Variants in DACH1 observed in about 807,000 individuals in gnomAD.
DACH1 encodes the protein dachshund homolog 1.
Under a neutral mutation model 54.2 loss-of-function variants are expected in DACH1, and 12 were observed. The observed-to-expected ratio is 0.22, with a 90% CI of 0.14 to 0.36. The LOEUF (loss-of-function observed/expected upper bound fraction) is 0.36, where lower values mean the gene tolerates loss of function less well. Ranked by LOEUF, DACH1 falls within the 10% of genes least tolerant of loss-of-function variation. DACH1 has a pLI of 1.00. For missense variants in DACH1, 805 were observed against 929.8 expected, an observed-to-expected ratio of 0.87 and a Z score of 1.75; for synonymous variants, 386 against 366.2, an observed-to-expected ratio of 1.05 and a Z score of -0.62.
chr13:71,595,322 C>T (rs1161150718), intron 3 of DACH1, among the ~76,000 whole-genome samples: 1 of 151,984 alleles, frequency 6.6e-6, no homozygotes. Flanking sequence ...ATTGGAAGGA[C>T]TTGTATTATT....
At chr13:71,702,034 A>C (rs1012199543) in intron 1 of DACH1, among the ~76,000 whole-genome samples, 1 of 152,150 alleles carries the variant, frequency 6.6e-6, no homozygotes, top group Non-Finnish European at 1.5e-5. Flanking sequence ...TATCCAAAAA[A>C]ATAAATAAAT....
At chr13:71,777,271 AG>A (rs1566493500) in intron 1 of DACH1, among the ~76,000 whole-genome samples, 2 of 152,174 alleles carry the variant, frequency 1.3e-5, no homozygotes, top group East Asian at 3.9e-4. Context: ...TTAAAGAGAC[AG>A]GAACTTCAGA....
intron 1 of DACH1, among the ~76,000 whole-genome samples, chr13:71,811,592 T>C (rs1887714613): frequency 6.6e-6 from 1 of 152,172 alleles, no homozygotes. Context: ...GAGGAAACTA[T>C]GGAGAAACTC....
At chr13:71,783,164 A>G (rs1369912288) in intron 1 of DACH1, among the ~76,000 whole-genome samples, 1 of 152,186 alleles carries the variant, frequency 6.6e-6, no homozygotes, top group Non-Finnish European at 1.5e-5. Flanking sequence ...CAGAAAGATT[A>G]TGACATGTAA....
chr13:71,841,196 A>G (rs1467175700), intron 1 of DACH1, among the ~76,000 whole-genome samples: 1 of 152,080 alleles, frequency 6.6e-6, no homozygotes, highest in East Asian at 1.9e-4. Flanking sequence ...CTGATGCAAT[A>G]TTTTCTTCCC....
At chr13:71,650,650 C>T (rs1878601919) in intron 2 of DACH1, among the ~76,000 whole-genome samples, 1 of 152,040 alleles carries the variant, frequency 6.6e-6, no homozygotes, top group South Asian at 2.1e-4. Context: ...ACTTTTAAAA[C>T]AGAAAATCAG....
rs866393349 is a variant in DACH1 at position 71,499,113 on chromosome 13, A to G, written c.1571-9965T>C. 4.9e-3 allele frequency among the ~76,000 whole-genome samples: 402 copies of G among 81,422 alleles called. No homozygotes were observed. The South Asian group carries it at 0.054, about 11-fold the overall frequency. 53.4% of individuals were successfully genotyped at this position (81,422 alleles called of 152,430 possible). ...AACACACACACATGCGAGCACGCGC[A>G]CACACACACACACACACACGCAGAC... On this transcript the variant is annotated intron_variant, in intron 6 of 10. Coordinates refer to ENST00000613252, the MANE Select transcript of DACH1 (RefSeq NM_080759.6).
intron 8 of DACH1, among the ~76,000 whole-genome samples, chr13:71,477,908 T>C (rs1877716251): frequency 6.6e-6 from 1 of 152,186 alleles, no homozygotes; most frequent in Admixed American, 6.5e-5. Context: ...AAATGGGAAC[T>C]TTACGGTGTG....
chr13:71,636,573 T>C (rs1421171728), intron 2 of DACH1, among the ~76,000 whole-genome samples: 5 of 149,032 alleles, frequency 3.4e-5, no homozygotes, highest in Admixed American at 3.3e-4. Context: ...ATAATAATAA[T>C]AATAATAATT....
At chr13:71,597,961 GA>G (rs896556477) in intron 3 of DACH1, among the ~76,000 whole-genome samples, 2 of 150,536 alleles carry the variant, frequency 1.3e-5, no homozygotes, top group Non-Finnish European at 1.5e-5. Context: ...TACCAAAAAG[GA>G]AAAAAAATAT....
intron 2 of DACH1, among the ~76,000 whole-genome samples, chr13:71,638,069 T>C (rs1478123606): frequency 2.0e-5 from 3 of 152,204 alleles, no homozygotes. Flanking sequence ...CCAAGAGATG[T>C]TACGTATTCA....
intron 1 of DACH1, among the ~76,000 whole-genome samples, chr13:71,861,584 C>A (rs1874357829): frequency 6.6e-6 from 1 of 151,808 alleles, no homozygotes; most frequent in African/African-American, 2.4e-5. Context: ...ATTGTGGAAC[C>A]AAGCAAACTT....
intron 3 of DACH1, among the ~76,000 whole-genome samples, chr13:71,618,281 T>G (rs1875934310): frequency 6.6e-6 from 1 of 152,054 alleles, no homozygotes; most frequent in African/African-American, 2.4e-5. Flanking sequence ...GGGGGTTCAA[T>G]ATCAACATGG....
chr13:71,604,631 AC>A (rs1258662177), intron 3 of DACH1, among the ~76,000 whole-genome samples: 2 of 151,874 alleles, frequency 1.3e-5, no homozygotes, highest in African/African-American at 2.4e-5. Context: ...AAATATAAAA[AC>A]GTATTTTAAC....
Position 71,598,219 on chromosome 13 carries a change from A to T in DACH1, c.1127-25207T>A, listed in dbSNP as rs548491199. ...TGGAAAACCCTAAAACTGAAGACAC[A>T]GTATAAATATTTTGATAAATGTTGC... On this transcript the variant is annotated intron_variant, in intron 3 of 10. Transcript: ENST00000613252. 5.3e-5 allele frequency among the ~76,000 whole-genome samples: 8 copies of T among 152,316 alleles called. No individual in the cohort carries two copies. The South Asian group carries it at 8.3e-4, about 16-fold the overall frequency.
At chr13:71,748,953 TC>T (rs778520527) in intron 1 of DACH1, among the ~76,000 whole-genome samples, 19,652 of 56,654 alleles carry the variant, frequency 0.35, 3,454 homozygotes, top group Non-Finnish European at 0.52. Flanking sequence ...TCTTTCTTTC[TC>T]TCTTTCTTTC....
chr13:71,735,387 G>C (rs1392591097), intron 1 of DACH1, among the ~76,000 whole-genome samples: 1 of 32,732 alleles, frequency 3.1e-5, no homozygotes, highest in African/African-American at 7.4e-5. Context: ...CGTGTATATG[G>C]GATATACACG....
At chr13:71,865,180 G>A (rs1874642237) in intron 1 of DACH1, among the ~76,000 whole-genome samples, 1 of 151,988 alleles carries the variant, frequency 6.6e-6, no homozygotes, top group Non-Finnish European at 1.5e-5. Flanking sequence ...ACACGCACTC[G>A]CTCACACGCG....
At chr13:71,456,819 G>T (rs748612504) in intron 10 of DACH1, among the ~76,000 whole-genome samples, 16 of 151,998 alleles carry the variant, frequency 1.1e-4, no homozygotes, top group Non-Finnish European at 1.8e-4. Flanking sequence ...CGTGGTGCCT[G>T]TATAAAGAGT....
Sources: allele counts gnomAD v4.1 joint callset (sites outside exome capture counted in the v4.1 genomes callset), GRCh38; gene constraint gnomAD v4.1.1; transcripts MANE v1.5; gene names NCBI Gene and HGNC (gene_info 2026-07-23, HGNC 2026-07-21).